Variants in OPCML observed in about 807,000 individuals in gnomAD.
OPCML encodes the protein opioid-binding protein/cell adhesion molecule.
OPCML carries 13 observed loss-of-function variants against 37.8 expected under a neutral mutation model. That is an observed-to-expected ratio of 0.34 (90% CI 0.22 to 0.55). The LOEUF (loss-of-function observed/expected upper bound fraction) is 0.55, where lower values mean the gene tolerates loss of function less well. Ranked by LOEUF, OPCML falls within the 20% of genes least tolerant of loss-of-function variation. The pLI is 0.91. For synonymous variants in OPCML, 176 were observed against 168.8 expected, an observed-to-expected ratio of 1.04 and a Z score of -0.33; for missense variants, 341 against 435.6, an observed-to-expected ratio of 0.78 and a Z score of 1.93.
chr11:132,702,529 G>A (rs1463913300), intron 2 of OPCML, among the ~76,000 whole-genome samples: 2 of 152,108 alleles, frequency 1.3e-5, no homozygotes, highest in South Asian at 4.1e-4. Context: ...ATTATAATGT[G>A]TCAAAGTGAA....
At chr11:133,389,992 C>A (rs1945133510) in intron 1 of OPCML, among the ~76,000 whole-genome samples, 1 of 152,232 alleles carries the variant, frequency 6.6e-6, no homozygotes, top group South Asian at 2.1e-4. Flanking sequence ...ATGAGAGCAT[C>A]TCCTGTGAAG....
At chr11:132,700,950 A>C (rs1051004328) in intron 2 of OPCML, among the ~76,000 whole-genome samples, 2 of 152,174 alleles carry the variant, frequency 1.3e-5, no homozygotes, top group African/African-American at 4.8e-5. Flanking sequence ...TTTGCTTTAC[A>C]TATTTAGGTT....
intron 1 of OPCML, among the ~76,000 whole-genome samples, chr11:133,272,397 C>T (rs1488316097): frequency 6.6e-6 from 1 of 152,112 alleles, no homozygotes; most frequent in Non-Finnish European, 1.5e-5. Flanking sequence ...AAATAAAATG[C>T]ACTGCAATAA....
chr11:132,575,542 C>T (rs1052374732), intron 3 of OPCML, among the ~76,000 whole-genome samples: 2 of 151,982 alleles, frequency 1.3e-5, no homozygotes, highest in African/African-American at 2.4e-5. Context: ...TCTCCCCCCA[C>T]ACTTTGTTTA....
rs754337522 is a variant in OPCML at position 133,239,176 on chromosome 11, G to A, written c.61+293088C>T. Among the ~76,000 whole-genome samples the A allele has an allele frequency of 9.8e-5, 15 of 152,318 alleles. 1 individual carries two copies. The highest frequency in any genetic ancestry group is 2.6e-4 in the Admixed American group (4 of 15,302). On this transcript the variant is annotated intron_variant, in intron 1 of 7. Coordinates refer to ENST00000524381, the MANE Select transcript of OPCML (RefSeq NM_001012393.5). ...ATAATACTTTCTTTGGGAATTACCCGCTAACTTTGCAGGGCTTTCATGAAG... is the reference window on the plus strand; with the variant it reads ...ATAATACTTTCTTTGGGAATTACCCACTAACTTTGCAGGGCTTTCATGAAG...
chr11:132,889,684 G>T (rs1352911327), intron 2 of OPCML, among the ~76,000 whole-genome samples: 4 of 152,100 alleles, frequency 2.6e-5, no homozygotes, highest in Non-Finnish European at 5.9e-5. Context: ...CAACTCCATG[G>T]TTTACTTTTG....
chr11:133,353,629 A>G (rs4609613), intron 1 of OPCML, among the ~76,000 whole-genome samples: 90,186 of 152,040 alleles, frequency 0.59, 27,077 homozygotes, highest in East Asian at 0.83. Flanking sequence ...GGAAATCAGT[A>G]AGCTCACTGT....
chr11:133,132,071 T>G (rs1394580389), intron 1 of OPCML, among the ~76,000 whole-genome samples: 1 of 152,214 alleles, frequency 6.6e-6, no homozygotes, highest in Non-Finnish European at 1.5e-5. Context: ...AAAATTTTTT[T>G]GAAAGACATT....
chr11:132,946,597 G>A (rs1271397096), intron 1 of OPCML, among the ~76,000 whole-genome samples: 2 of 152,082 alleles, frequency 1.3e-5, no homozygotes, highest in Non-Finnish European at 2.9e-5. Context: ...TGTCATATAT[G>A]CGGCCTGTCA....
intron 2 of OPCML, among the ~76,000 whole-genome samples, chr11:132,794,193 C>T (rs996564658): frequency 1.3e-5 from 2 of 152,190 alleles, no homozygotes; most frequent in African/African-American, 4.8e-5. Flanking sequence ...GAGCTAGAGT[C>T]GAGTTAGCAT....
At chr11:133,306,733 C>A (rs1336324304) in intron 1 of OPCML, among the ~76,000 whole-genome samples, 1 of 152,156 alleles carries the variant, frequency 6.6e-6, no homozygotes, top group Non-Finnish European at 1.5e-5. Context: ...AGTGTGGACC[C>A]AGTTTTGAAA....
intron 4 of OPCML, among the ~76,000 whole-genome samples, chr11:132,439,496 G>A (rs922642112): frequency 1.3e-5 from 2 of 152,160 alleles, no homozygotes; most frequent in Non-Finnish European, 2.9e-5. Flanking sequence ...TCTTCAAGGT[G>A]CATTACGGTT....
intron 1 of OPCML, among the ~76,000 whole-genome samples, chr11:133,515,270 T>C (rs1948241203): frequency 6.6e-6 from 1 of 152,186 alleles, no homozygotes; most frequent in African/African-American, 2.4e-5. Context: ...GTTGCTAGGA[T>C]ACTGCACTGA....
intron 1 of OPCML, among the ~76,000 whole-genome samples, chr11:133,245,610 G>A (rs1940892017): frequency 6.6e-6 from 1 of 152,136 alleles, no homozygotes; most frequent in African/African-American, 2.4e-5. Flanking sequence ...CCTTCCCATA[G>A]CTCAAGGTGG....
intron 1 of OPCML, among the ~76,000 whole-genome samples, chr11:133,157,212 C>CA (rs752103281): frequency 1.3e-5 from 2 of 152,156 alleles, no homozygotes; most frequent in Non-Finnish European, 2.9e-5. Context: ...CTGCGGGCAC[C>CA]ACGGGCAGGC....
intron 1 of OPCML, among the ~76,000 whole-genome samples, chr11:133,016,422 T>C (rs941233079): frequency 1.3e-5 from 2 of 152,218 alleles, no homozygotes; most frequent in Admixed American, 1.3e-4. Context: ...TCCCTTCGTC[T>C]TCAAAGCCAG....
At position 133,174,873 on chromosome 11, in the gene OPCML, A is replaced by G. The variant is rs181514973; in HGVS notation, c.62-231863T>C. 1.4e-3 allele frequency among the ~76,000 whole-genome samples: 210 copies of G among 152,328 alleles called. No individual in the cohort carries two copies. Among genetic ancestry groups the G allele is most frequent in the Non-Finnish European group, 2.1e-3 (144 of 68,022 alleles). On this transcript the variant is annotated intron_variant, in intron 1 of 7. Coordinates refer to ENST00000524381, the MANE Select transcript of OPCML (RefSeq NM_001012393.5). The surrounding 1 kb of genome is among the most constrained non-coding windows in gnomAD (Gnocchi z 4.6). ...TCCCAGCACTTTGGGAGGCCAAGGC[A>G]GGAGGATCACTTGAGATCAGGAGTT...
chr11:133,106,701 G>A (rs897414245), intron 1 of OPCML, among the ~76,000 whole-genome samples: 5 of 152,226 alleles, frequency 3.3e-5, no homozygotes, highest in Non-Finnish European at 7.3e-5. Context: ...CCAGACAATA[G>A]AGCACATGTC....
intron 2 of OPCML, among the ~76,000 whole-genome samples, chr11:132,724,108 A>G (rs1565809430): frequency 6.6e-6 from 1 of 152,140 alleles, no homozygotes; most frequent in Non-Finnish European, 1.5e-5. Context: ...CCACACTAGC[A>G]CAAGGGCATT....
Sources: gnomAD v4.1 joint callset for allele counts (sites outside exome capture counted in the v4.1 genomes callset) on GRCh38, gnomAD v4.1.1 for gene constraint, Gnocchi (gnomAD v3.1) non-coding constraint, MANE v1.5 for transcripts, NCBI Gene and HGNC (gene_info 2026-07-23, HGNC 2026-07-21) for gene names.